Variants in MCF2L observed in about 807,000 individuals in gnomAD.
MCF2L encodes MCF.2 cell line derived transforming sequence like.
Under a neutral mutation model 153.4 loss-of-function variants are expected in MCF2L, and 97 were observed. The ratio of observed to expected loss-of-function variants is 0.63; its 90% confidence interval spans 0.54 to 0.75. The LOEUF (loss-of-function observed/expected upper bound fraction) is 0.75. MCF2L is among the 30% of genes least tolerant of loss of function. The pLI, the probability that MCF2L is intolerant of heterozygous loss-of-function variation, is 0.00. For synonymous variants in MCF2L, 659 were observed against 632.2 expected (o/e 1.04, Z -0.64); for missense variants, 1,347 against 1,495.2 (o/e 0.90, Z 1.64).
At chr13:112,902,497 C>A in intron 2 of MCF2L, 2 of 996,044 alleles carry the variant, frequency 2.0e-6, no homozygotes, top group Non-Finnish European at 2.8e-6. Context: ...AATGCATGAC[C>A]CCCCAGGTAG....
At chr13:112,975,855 C>T (rs577874064) in intron 1 of MCF2L, among the ~76,000 whole-genome samples, 7 of 152,326 alleles carry the variant, frequency 4.6e-5, no homozygotes, top group East Asian at 3.9e-4. Context: ...CAGATGCCCA[C>T]GGTCGCAGAG....
Position 113,053,387 on chromosome 13 carries a change from C to T in MCF2L, c.370-7206C>T, listed in dbSNP as rs978821828. ...TGAAGCCAGTTGCTTTATGGAATAT[C>T]CTTTCATCTGGTTTCCTTGTAATTA... On this transcript the variant is annotated intron_variant, in intron 4 of 29. Coordinates refer to ENST00000535094, the MANE Select transcript of MCF2L (RefSeq NM_001112732.3). The surrounding 1 kb of genome is among the most constrained non-coding windows in gnomAD (Gnocchi z 4.4). Among the ~76,000 whole-genome samples, 1 of 152,170 alleles carries T rather than the reference C, an allele frequency of 6.6e-6. No homozygotes were observed. Among genetic ancestry groups the T allele is most frequent in the Non-Finnish European group, 1.5e-5 (1 of 68,040 alleles).
intron 2 of MCF2L, among the ~76,000 whole-genome samples, chr13:112,955,174 C>A (rs75808385): frequency 6.6e-6 from 1 of 152,112 alleles, no homozygotes; most frequent in African/African-American, 2.4e-5. Flanking sequence ...GGTGGGGACC[C>A]CGTCCCATTG....
At chr13:113,010,618 G>A (rs548517362) in intron 1 of MCF2L, among the ~76,000 whole-genome samples, 87 of 152,338 alleles carry the variant, frequency 5.7e-4, no homozygotes, top group Non-Finnish European at 1.0e-3. Context: ...CCACCCCCTC[G>A]TCGGCCCCAC....
chr13:113,020,012 G>A (rs961160819), intron 2 of MCF2L, among the ~76,000 whole-genome samples: 2 of 152,202 alleles, frequency 1.3e-5, no homozygotes, highest in Admixed American at 6.5e-5. Context: ...GTGAAAATGC[G>A]AGCCATAAAC....
In MCF2L at chr13:112,945,268, A is replaced by G. The variant is rs575979131; in HGVS notation, c.169+42897A>G. ...CAAGACCTAAAACTGCATAACAGGAAGCATGAACCCTCAAGTAAACGATAT... is the reference window on the plus strand; with the variant it reads ...CAAGACCTAAAACTGCATAACAGGAGGCATGAACCCTCAAGTAAACGATAT... On this transcript the variant is annotated intron_variant, in intron 2 of 29. Transcript: ENST00000375608. Among the ~76,000 whole-genome samples, 4 of 152,322 alleles carry G rather than the reference A, an allele frequency of 2.6e-5. No homozygotes were observed. The South Asian group carries it at 8.3e-4, about 32-fold the overall frequency.
intron 2 of MCF2L, among the ~76,000 whole-genome samples, chr13:113,015,236 G>T (rs1398633309): frequency 6.6e-6 from 1 of 152,236 alleles, no homozygotes. Flanking sequence ...GTGGCCTCCA[G>T]CCCTGCGTCT....
chr13:113,031,939 C>G lies in MCF2L; in HGVS notation c.278+7181C>G, dbSNP rs190335410. The stretch of plus-strand genomic sequence containing the variant: ...TCATGCACTTACATACACAGATGTG[C>G]ATGTGTATAACCACACACGTGCGCA... On this transcript the variant is annotated intron_variant, in intron 3 of 29. Transcript: ENST00000535094. The surrounding 1 kb of genome is among the most constrained non-coding windows in gnomAD (Gnocchi z 5.5). Among the ~76,000 whole-genome samples the G allele has an allele frequency of 1.3e-3, 200 of 152,146 alleles. No homozygotes were observed. The highest frequency in any genetic ancestry group is 4.7e-3 in the African/African-American group (195 of 41,488).
At chr13:113,011,941 T>C (rs372839425) in intron 1 of MCF2L, among the ~76,000 whole-genome samples, 15 of 89,878 alleles carry the variant, frequency 1.7e-4, no homozygotes, top group East Asian at 4.6e-4. Flanking sequence ...GCGGTGTGGA[T>C]GGTGGACAGG....
intron 4 of MCF2L, among the ~76,000 whole-genome samples, chr13:113,049,810 C>T (rs1302473767): frequency 6.6e-6 from 1 of 152,136 alleles, no homozygotes; most frequent in Non-Finnish European, 1.5e-5. Context: ...TTTTAGCCAC[C>T]ATATGTGCTG....
chr13:112,900,476 C>T (rs966034382), intron 1 of MCF2L, among the ~76,000 whole-genome samples: 5 of 152,328 alleles, frequency 3.3e-5, no homozygotes, highest in Middle Eastern at 3.4e-3. Context: ...GGAGCCAGGA[C>T]GTGTAACAAG....
At position 112,983,421 on chromosome 13, in the gene MCF2L, C is replaced by T. The variant is rs1033264870; in HGVS notation, c.79+13963C>T. On this transcript the variant is annotated intron_variant, in intron 1 of 29. Transcript: ENST00000535094. This position sits in a 1 kb window ranked among gnomAD's most constrained non-coding sequence, Gnocchi z 4.0. ...CAGGATGAGCCTCCTCCCTTCTATCCGGCAGGTGGCCTTCTCCAGGCATTG... is the reference window on the plus strand; with the variant it reads ...CAGGATGAGCCTCCTCCCTTCTATCTGGCAGGTGGCCTTCTCCAGGCATTG... Among the ~76,000 whole-genome samples the T allele has an allele frequency of 1.3e-5, 2 of 152,194 alleles. No homozygotes were observed. Among genetic ancestry groups the T allele is most frequent in the Non-Finnish European group, 2.9e-5 (2 of 68,030 alleles).
chr13:112,916,153 A>G (rs2140544187), intron 2 of MCF2L, among the ~76,000 whole-genome samples: 1 of 147,968 alleles, frequency 6.8e-6, no homozygotes, highest in Non-Finnish European at 1.5e-5. Context: ...GGTTGCAGTG[A>G]GCTGAGATTG....
chr13:113,022,550 C>T (rs1016680295), intron 2 of MCF2L, among the ~76,000 whole-genome samples: 4 of 152,264 alleles, frequency 2.6e-5, no homozygotes, highest in African/African-American at 7.2e-5. Flanking sequence ...AACGTTCCCC[C>T]CAGGCCCCGT....
At chr13:113,083,385 C>T (rs953212172) in intron 17 of MCF2L, among the ~76,000 whole-genome samples, 2 of 152,216 alleles carry the variant, frequency 1.3e-5, no homozygotes, top group Admixed American at 1.3e-4. Context: ...CACCAAGGAG[C>T]CTTCCACGTC....
intron 20 of MCF2L, 28 bp from the exon 21 acceptor site, chr13:113,086,096 C>T (rs751096358): frequency 3.8e-6 from 6 of 1,589,798 alleles, no homozygotes; most frequent in East Asian, 2.3e-5. Context: ...CGTGTCCCGA[C>T]GCGGTTGCCT....
intron 1 of MCF2L, chr13:113,009,948 G>A (rs1359682141): frequency 1.3e-5 from 2 of 152,228 alleles, no homozygotes; most frequent in African/African-American, 2.4e-5. Flanking sequence ...ATTGGCAAAA[G>A]ATGGACTGTA....
In MCF2L at chr13:113,096,608, G is replaced by C. The variant is rs767900174; in HGVS notation, c.3247G>C (p.Val1083Leu). Residue 1083 changes from valine to leucine, a missense_variant, in exon 29 of 30, where the codon GTC becomes CTC. This residue lies in a region of MCF2L where 383 missense variants were observed against 335.4 expected (regional missense o/e 1.14). Coordinates refer to ENST00000535094, the MANE Select transcript of MCF2L (RefSeq NM_001112732.3). Reference sequence around the variant, plus strand: ...CTGGGTGCCGGCCAGCAGCCTGTCCGTCCGGCTCGGCCCGTCCGGCTCGGC... The same window carrying C: ...CTGGGTGCCGGCCAGCAGCCTGTCCCTCCGGCTCGGCCCGTCCGGCTCGGC... ...EGWVPASSLS[V>L]RLGPSGSAQC... 2 of 1,600,552 alleles carry C rather than the reference G, an allele frequency of 1.2e-6. No individual in the cohort carries two copies. Among genetic ancestry groups the C allele is most frequent in the South Asian group, 1.1e-5 (1 of 90,252 alleles).
Position 113,097,076 on chromosome 13 carries a change from G to A in MCF2L, c.*217G>A, listed in dbSNP as rs2035730600. 2.8e-6 allele frequency: 1 copy of A among 363,224 alleles called. No homozygotes were observed. The highest frequency in any genetic ancestry group is 1.2e-4 in the South Asian group (1 of 8,628). The allele number at this position is 363,224 out of a possible 1,614,324, so 22.5% of individuals were successfully genotyped here. On this transcript the variant is annotated 3_prime_UTR_variant, in exon 30 of 30. Coordinates refer to ENST00000535094, the MANE Select transcript of MCF2L (RefSeq NM_001112732.3). ...CGGAGACTCCAGAGCCCACAGAGGA[G>A]GGGCCGCAGGGAACAGCCCCGGGCG...
Sources: gnomAD v4.1 joint callset for allele counts (sites outside exome capture counted in the v4.1 genomes callset) on GRCh38, gnomAD v4.1.1 for gene constraint, gnomAD v4.1.1 regional missense constraint, Gnocchi (gnomAD v3.1) non-coding constraint, MANE v1.5 for transcripts, NCBI Gene and HGNC (gene_info 2026-07-23, HGNC 2026-07-21) for gene names.